Variants in EIF2A observed in about 807,000 individuals in gnomAD.
The protein encoded by EIF2A is 65 kDa eukaryotic translation initiation factor 2A.
In EIF2A, 62 loss-of-function variants were observed where a neutral mutation model predicts 75.2. The observed-to-expected ratio is 0.82, with a 90% CI of 0.67 to 1.02. EIF2A has a LOEUF of 1.02. EIF2A is among the 50% of genes least tolerant of loss of function. The probability of loss-of-function intolerance (pLI) is 0.00; values close to 1 mark genes in which losing one functional copy is unlikely to be tolerated. For synonymous variants in EIF2A, 207 were observed against 239.0 expected (o/e 0.87, Z 1.23); for missense variants, 611 against 677.7 (o/e 0.90, Z 1.09).
intron 12 of EIF2A, 140 bp downstream of exon 12, chr3:150,581,886 C>G (rs1191168376): frequency 2.1e-6 from 2 of 973,138 alleles, no homozygotes; most frequent in Non-Finnish European, 3.0e-6. Context: ...CACTATGAAG[C>G]ACTGTTCACT....
At chr3:150,564,773 T>C (rs1295901445) in intron 6 of EIF2A, 1 of 178,546 alleles carries the variant, frequency 5.6e-6, no homozygotes, top group African/African-American at 2.4e-5. Flanking sequence ...CTACCATCTC[T>C]TACTAAGTGA....
chr3:150,574,250 C>T (rs987821577), intron 10 of EIF2A, among the ~76,000 whole-genome samples: 4 of 152,026 alleles, frequency 2.6e-5, no homozygotes, highest in Admixed American at 6.6e-5. Context: ...TGAAATTATG[C>T]GTAATGAGCA....
chr3:150,568,009 T>G lies in EIF2A; in HGVS notation c.657T>G (p.Phe219Leu). ...PHAALANKSFFKADKVTMLWN... is the reference protein window; with the variant it reads ...PHAALANKSFLKADKVTMLWN... ...CAGCTTTAGCTAATAAAAGTTTCTT[T>G]AAGGCAGATAAAGTTACAATGCTGT... The change falls in exon 8 of 14, where the codon TTT becomes TTG. Residue 219 changes from phenylalanine (F) to leucine (L), a missense_variant. By Grantham distance (22) the Phe-to-Leu change is conservative. Transcript: ENST00000460851. The G allele has an allele frequency of 6.2e-7, 1 of 1,612,640 alleles. No individual in the cohort carries two copies. The highest frequency in any genetic ancestry group is 8.5e-7 in the Non-Finnish European group (1 of 1,179,520).
chr3:150,585,105 A>AG lies in EIF2A; in HGVS notation c.*1195dup, dbSNP rs1725399777. ...GGTCTCACTCTGCCTCCCAGGTTGG[A>AG]GTGCACCTTGAACTCCTGGACTCAA... On this transcript the variant is annotated 3_prime_UTR_variant, in exon 14 of 14. Transcript: ENST00000460851. Among the ~76,000 whole-genome samples, 1 of 152,056 alleles carries AG rather than the reference A, an allele frequency of 6.6e-6. No homozygotes were observed. The highest frequency in any genetic ancestry group is 1.5e-5 in the Non-Finnish European group (1 of 68,006).
chr3:150,570,283 G>GA (rs2107943267), intron 9 of EIF2A, among the ~76,000 whole-genome samples: 1 of 152,202 alleles, frequency 6.6e-6, no homozygotes, highest in South Asian at 2.1e-4. Flanking sequence ...AAAAGTTGGG[G>GA]AAAATATGTT....
chr3:150,582,092 C>T (rs1725217991), intron 12 of EIF2A, among the ~76,000 whole-genome samples: 1 of 152,042 alleles, frequency 6.6e-6, no homozygotes. Context: ...CCTCCGCCTC[C>T]CAGGTTCAAG....
At chr3:150,560,829 G>A (rs1006132767) in intron 3 of EIF2A, among the ~76,000 whole-genome samples, 1 of 147,874 alleles carries the variant, frequency 6.8e-6, no homozygotes, top group Non-Finnish European at 1.5e-5. Flanking sequence ...GTATGATCTT[G>A]AGCAAATCGT....
chr3:150,566,773 C>T (rs1724206271), intron 6 of EIF2A: 1 of 97,786 alleles, frequency 1.0e-5, no homozygotes, highest in Non-Finnish European at 2.3e-5. Flanking sequence ...AAAAGTAACA[C>T]TGTTACTGAA....
intron 6 of EIF2A, chr3:150,565,112 G>A (rs767670348): frequency 3.6e-5 from 16 of 441,568 alleles, no homozygotes; most frequent in African/African-American, 8.1e-5. Flanking sequence ...TGTCTTTCAC[G>A]TTTTCCCATA....
intron 7 of EIF2A, 33 bp from the exon 8 acceptor site, chr3:150,567,864 CAAAAA>C: frequency 6.3e-7 from 1 of 1,579,150 alleles, no homozygotes; most frequent in Non-Finnish European, 8.6e-7. Context: ...TTTTATTCTT[CAAAAA>C]ATTAAGTAAT....
intron 5 of EIF2A, 124 bp from the exon 6 acceptor site, chr3:150,564,175 A>T (rs1422037188): frequency 1.5e-6 from 1 of 673,098 alleles, no homozygotes; most frequent in Non-Finnish European, 2.4e-6. Flanking sequence ...TATCATATTT[A>T]TAAGTGTTTA....
At chr3:150,564,483 T>A in intron 6 of EIF2A, 102 bp downstream of exon 6, 1 of 789,768 alleles carries the variant, frequency 1.3e-6, no homozygotes, top group Non-Finnish European at 1.9e-6. Context: ...ACTGTTAATC[T>A]ATTAATCAAT....
In EIF2A at chr3:150,564,322, A is replaced by C. The variant is rs1350328403; in HGVS notation, c.416A>C (p.Glu139Ala). Residue 139 changes from glutamate (E) to alanine (A), a missense_variant, in exon 6 of 14, where the codon GAA (glutamate) becomes GCA (alanine). Coordinates refer to ENST00000460851, the MANE Select transcript of EIF2A (RefSeq NM_032025.5). Reference sequence around the variant, plus strand: ...AGGTGTCCATCCTGGTCAGAAGATGAAACTCTTTGTGCCCGCAATGTTAAC... The same window carrying C: ...AGGTGTCCATCCTGGTCAGAAGATGCAACTCTTTGTGCCCGCAATGTTAAC... ...QNWCPSWSED[E>A]TLCARNVNNE... is the part of the protein sequence containing the mutation. The C allele has an allele frequency of 3.1e-6, 5 of 1,597,788 alleles. No individual in the cohort carries two copies. Among genetic ancestry groups the C allele is most frequent in the Non-Finnish European group, 4.3e-6 (5 of 1,174,126 alleles).
chr3:150,551,706 T>A (rs1234723649), intron 1 of EIF2A, among the ~76,000 whole-genome samples: 3 of 152,122 alleles, frequency 2.0e-5, no homozygotes, highest in African/African-American at 7.2e-5. Flanking sequence ...CCAGCCTGGG[T>A]GACAGCAAGA....
chr3:150,568,485 A>G (rs1444328707), intron 9 of EIF2A, among the ~76,000 whole-genome samples, 193 bp downstream of exon 9: 3 of 152,210 alleles, frequency 2.0e-5, no homozygotes, highest in Non-Finnish European at 4.4e-5. Flanking sequence ...GCAGAATACA[A>G]TTAGTTATTT....
At chr3:150,551,931 T>G (rs1044036122) in intron 1 of EIF2A, among the ~76,000 whole-genome samples, 1 of 152,192 alleles carries the variant, frequency 6.6e-6, no homozygotes, top group African/African-American at 2.4e-5. Flanking sequence ...TCTAAAAACT[T>G]TAAACATATA....
intron 13 of EIF2A, 52 bp from the exon 14 acceptor site, chr3:150,583,794 T>A: frequency 6.5e-7 from 1 of 1,542,014 alleles, no homozygotes; most frequent in African/African-American, 1.4e-5. Flanking sequence ...TTATTTTGGT[T>A]ACATATCCAG....
chr3:150,569,753 T>G (rs1313399340), intron 9 of EIF2A, among the ~76,000 whole-genome samples: 2 of 151,716 alleles, frequency 1.3e-5, no homozygotes, highest in Admixed American at 6.6e-5. Flanking sequence ...AGTGGGAGGT[T>G]GCAATGAGCC....
intron 3 of EIF2A, 81 bp from the exon 4 acceptor site, chr3:150,562,461 A>T: frequency 9.4e-7 from 1 of 1,065,218 alleles, no homozygotes. Context: ...TCTGTATTTG[A>T]AAAGAGGTAT....
Sources: gnomAD v4.1 joint callset for allele counts (sites outside exome capture counted in the v4.1 genomes callset) on GRCh38, gnomAD v4.1.1 for gene constraint, MANE v1.5 for transcripts, NCBI Gene and HGNC (gene_info 2026-07-23, HGNC 2026-07-21) for gene names.